The following FBXO9 variants were observed in gnomAD, a reference collection of about 807,000 sequenced individuals.
FBXO9 encodes the protein F-box only protein 9.
FBXO9 carries 43 observed loss-of-function variants against 63.7 expected under a neutral mutation model. The observed-to-expected ratio is 0.67, with a 90% confidence interval of 0.53 to 0.87. FBXO9 has a LOEUF of 0.87. Among genes scored for constraint, FBXO9 ranks in the 40% least tolerant of loss-of-function variants. The probability of loss-of-function intolerance (pLI) is 0.00; values close to 1 mark genes in which losing one functional copy is unlikely to be tolerated. For synonymous variants in FBXO9, 156 were observed against 171.7 expected (o/e 0.91, Z 0.72); for missense variants, 442 against 533.2 (o/e 0.83, Z 1.68).
rs938886297 is a variant in FBXO9 at position 53,093,871 on chromosome 6, T to C, written c.960-14T>C. 6.0e-5 allele frequency: 88 copies of C among 1,461,954 alleles called. No homozygotes were observed. The highest frequency in any genetic ancestry group is 7.8e-5 in the Non-Finnish European group (86 of 1,103,092). The allele number at this position is 1,461,954 out of a possible 1,614,324, so 90.6% of individuals were successfully genotyped here. ...AATAACTGATTTAGATTCAATTTGT[T>C]TTTTTTTTTTAAGGACTGATGCAAT... On this transcript the variant is annotated splice_polypyrimidine_tract_variant and intron_variant, in intron 10 of 12. Transcript: ENST00000323557.
intron 6 of FBXO9, 148 bp downstream of exon 6, chr6:53,081,246 C>T: frequency 1.3e-6 from 1 of 799,366 alleles, no homozygotes; most frequent in East Asian, 2.6e-5. Flanking sequence ...TTTGCATATA[C>T]TATTAAGCTG....
At chr6:53,092,350 A>G in intron 7 of FBXO9, 79 bp from the exon 8 acceptor site, 3 of 1,060,912 alleles carry the variant, frequency 2.8e-6, no homozygotes, top group Non-Finnish European at 4.3e-6. Flanking sequence ...TTGCTAAATA[A>G]AAGATGGCTG....
chr6:53,097,740 A>G lies in FBXO9; in HGVS notation c.1224A>G (p.Ala408=). 1 of 1,602,536 alleles carries G rather than the reference A, an allele frequency of 6.2e-7. No homozygotes were observed. The highest frequency in any genetic ancestry group is 1.3e-5 in the African/African-American group (1 of 74,486). The part of the protein sequence containing the change: ...HITYKSTGET[A]VSAFEIDKMY... Reference sequence around the variant, plus strand: ...TTTACAGATCAACTGGTGAGACTGCAGTCAGTGCTTTTGAGATTGACAAGA... The same window carrying G: ...TTTACAGATCAACTGGTGAGACTGCGGTCAGTGCTTTTGAGATTGACAAGA... Residue 408 remains alanine (A), a synonymous_variant, in exon 13 of 13, where the codon GCA becomes GCG. Transcript: ENST00000323557.
chr6:53,069,884 T>C (rs970021112), intron 1 of FBXO9, among the ~76,000 whole-genome samples: 3 of 152,070 alleles, frequency 2.0e-5, no homozygotes, highest in Non-Finnish European at 4.4e-5. Flanking sequence ...CATGAGTACT[T>C]AGGGATTAAT....
At chr6:53,077,935 G>T (rs1769176686) in intron 4 of FBXO9, among the ~76,000 whole-genome samples, 1 of 152,130 alleles carries the variant, frequency 6.6e-6, no homozygotes, top group African/African-American at 2.4e-5. Flanking sequence ...TTCTACTGGT[G>T]TATCTCTGTG....
chr6:53,092,764 G>A lies in FBXO9; in HGVS notation c.803G>A (p.Arg268His), dbSNP rs1433513292. ...GVYISKTTYI[R>H]QGEQSLDGFY... ...TATATCAGTAAAACCACATATATTC[G>A]TCAAGGGGAACAGTCTCTTGATGGT... The change falls in exon 9 of 13, where the codon CGT (arginine) becomes CAT (histidine). Residue 268 changes from arginine to histidine, a missense_variant. By Grantham distance (29) the Arg-to-His change is conservative. Around this residue, in one of 2 missense-constraint regions of FBXO9, gnomAD observed 262 missense variants for 362.1 expected, o/e 0.72. Transcript: ENST00000323557. The A allele has an allele frequency of 6.2e-6, 10 of 1,611,776 alleles. No individual in the cohort carries two copies. Among genetic ancestry groups the A allele is most frequent in the African/African-American group, 1.3e-5 (1 of 74,764 alleles).
chr6:53,078,726 AC>A, intron 4 of FBXO9, 72 bp from the exon 5 acceptor site: 1 of 1,094,864 alleles, frequency 9.1e-7, no homozygotes, highest in South Asian at 1.4e-5. Context: ...AAATTAAACC[AC>A]AGTTAAGGGT....
In FBXO9 at chr6:53,098,766, T is replaced by C. The variant is rs192739427; in HGVS notation, c.*936T>C. On this transcript the variant is annotated 3_prime_UTR_variant, in exon 13 of 13. Transcript: ENST00000323557. ...TCAGTTGTCATTCTTCACAAAAGAA[T>C]AGTAGAGGATCATGTAAACCTGAGC... The C allele has an allele frequency of 2.6e-5, 4 of 152,306 alleles. No homozygotes were observed. The highest frequency in any genetic ancestry group is 2.6e-4 in the Admixed American group (4 of 15,294). The allele number at this position is 152,306 out of a possible 1,614,324, so 9.4% of individuals were successfully genotyped here.
intron 3 of FBXO9, among the ~76,000 whole-genome samples, chr6:53,075,112 G>A (rs1241810474): frequency 6.6e-6 from 1 of 151,844 alleles, no homozygotes; most frequent in African/African-American, 2.4e-5. Context: ...ATTTAGTGTT[G>A]CTACTTTTTA....
intron 7 of FBXO9, among the ~76,000 whole-genome samples, chr6:53,088,095 C>A (rs1191321298): frequency 6.6e-6 from 1 of 151,848 alleles, no homozygotes; most frequent in Non-Finnish European, 1.5e-5. Context: ...TTTTTTTAAC[C>A]AAAAATATAT....
chr6:53,078,707 A>G, intron 4 of FBXO9, 92 bp from the exon 5 acceptor site: 1 of 912,074 alleles, frequency 1.1e-6, no homozygotes, highest in Non-Finnish European at 1.7e-6. Context: ...GTTTGTAAAG[A>G]AAGTTACCAA....
chr6:53,097,104 T>C (rs1013704617), intron 12 of FBXO9, among the ~76,000 whole-genome samples: 8 of 152,176 alleles, frequency 5.3e-5, no homozygotes. Flanking sequence ...TTCTCTGCTT[T>C]CGTTTGTCTC....
upstream of FBXO9, chr6:53,065,084 C>A (rs931837202): frequency 1.3e-5 from 2 of 152,274 alleles, no homozygotes; most frequent in African/African-American, 4.8e-5. Flanking sequence ...GCATTCCTGG[C>A]GCGGGACTCT....
chr6:53,078,526 T>C (rs1279075641), intron 4 of FBXO9, among the ~76,000 whole-genome samples: 3 of 152,194 alleles, frequency 2.0e-5, no homozygotes, highest in Non-Finnish European at 4.4e-5. Flanking sequence ...AAGACAACTA[T>C]TTAAAAATCA....
At position 53,082,547 on chromosome 6, in the gene FBXO9, G is replaced by A. The variant is rs1171995827; in HGVS notation, c.582G>A (p.Val194=). The A allele has an allele frequency of 4.3e-6, 7 of 1,613,850 alleles. No individual in the cohort carries two copies. In the South Asian group the frequency reaches 7.7e-5, roughly 18 times the overall value. ...TGATGTACATCTTCCGATGGGTGGT[G>A]TCTAGTGACTTGGACCTCAGATCAT... The part of the protein sequence containing the change: ...EVLMYIFRWV[V]SSDLDLRSLE... Residue 194 remains valine (V), a synonymous_variant, in exon 7 of 13, where the codon GTG becomes GTA. Coordinates refer to ENST00000323557, the MANE Select transcript of FBXO9 (RefSeq NM_033480.3).
chr6:53,075,809 T>C (rs896452336), intron 3 of FBXO9, among the ~76,000 whole-genome samples: 5 of 128,462 alleles, frequency 3.9e-5, no homozygotes, highest in African/African-American at 1.4e-4. Flanking sequence ...TGTGGCACGA[T>C]CTCAGCTCAC....
chr6:53,085,019 C>G (rs1202401610), intron 7 of FBXO9, among the ~76,000 whole-genome samples: 1 of 152,004 alleles, frequency 6.6e-6, no homozygotes, highest in African/African-American at 2.4e-5. Context: ...GGTAATATAA[C>G]TAATGTTTCT....
intron 7 of FBXO9, among the ~76,000 whole-genome samples, chr6:53,083,043 A>C (rs1317707280): frequency 6.6e-6 from 1 of 152,216 alleles, no homozygotes; most frequent in Non-Finnish European, 1.5e-5. Flanking sequence ...ATGTGTGGGA[A>C]AGGACTCTAT....
chr6:53,073,636 AAAGTT>A lies in FBXO9; in HGVS notation c.249+2_249+6del. ...GAAAACAAGAACAGGCAAAAGAAGA[AAAGTT>A]AAGTATTATAGATATTGTAACAAAT... is the stretch of plus-strand genomic sequence containing the variant. On this transcript the variant is annotated splice_donor_variant and coding_sequence_variant, in exon 3 of 13. Coordinates refer to ENST00000323557, the MANE Select transcript of FBXO9 (RefSeq NM_033480.3). LOFTEE classifies it high-confidence loss of function. The A allele has an allele frequency of 1.3e-6, 2 of 1,572,412 alleles. No individual in the cohort carries two copies. The highest frequency in any genetic ancestry group is 1.2e-5 in the South Asian group (1 of 86,106).
Sources: gnomAD v4.1 joint callset for allele counts (sites outside exome capture counted in the v4.1 genomes callset) on GRCh38, gnomAD v4.1.1 for gene constraint, gnomAD v4.1.1 regional missense constraint, MANE v1.5 for transcripts, NCBI Gene and HGNC (gene_info 2026-07-23, HGNC 2026-07-21) for gene names.